Variants in DOCK8 observed in about 807,000 individuals in gnomAD.
DOCK8 encodes dedicator of cytokinesis 8, also known as dedicator of cytokinesis protein 8.
Under a neutral mutation model 245.6 loss-of-function variants are expected in DOCK8, and 141 were observed. The ratio of observed to expected loss-of-function variants is 0.57; its 90% CI spans 0.50 to 0.66. The LOEUF is 0.66. DOCK8 is among the 30% of genes least tolerant of loss of function. DOCK8 has a pLI of 0.00. For missense variants in DOCK8, 2,965 were observed against 2,603.4 expected, an observed-to-expected ratio of 1.14 and a Z score of -3.02; for synonymous variants, 1,168 against 970.2, an observed-to-expected ratio of 1.20 and a Z score of -3.79.
rs181574298 is a variant in DOCK8 at position 235,519 on chromosome 9, G to T, written c.53+20490G>T. Reference sequence around the variant, plus strand: ...AAGTGGAGCCTACAGAGGCAGGCAGGCCTCCTTGAGCTGTGGTGGGCTCCA... The same window carrying T: ...AAGTGGAGCCTACAGAGGCAGGCAGTCCTCCTTGAGCTGTGGTGGGCTCCA... On this transcript the variant is annotated intron_variant, in intron 1 of 47. Coordinates refer to ENST00000432829, the MANE Select transcript of DOCK8 (RefSeq NM_203447.4). Among the ~76,000 whole-genome samples, 410 of 152,326 alleles carry T rather than the reference G, an allele frequency of 2.7e-3. 3 individuals carry two copies. The highest frequency in any genetic ancestry group is 9.5e-3 in the African/African-American group (393 of 41,570).
intron 14 of DOCK8, among the ~76,000 whole-genome samples, chr9:351,223 T>C (rs2052151698): frequency 6.6e-6 from 1 of 152,174 alleles, no homozygotes; most frequent in African/African-American, 2.4e-5. Context: ...AACGCCTTTC[T>C]CCAGAGAGAA....
chr9:445,358 C>T lies in DOCK8; in HGVS notation c.5581-1012C>T, dbSNP rs149477868. Among the ~76,000 whole-genome samples, 914 of 152,310 alleles carry T rather than the reference C, an allele frequency of 6.0e-3. 11 individuals are homozygous for T. The highest frequency in any genetic ancestry group is 0.021 in the African/African-American group (856 of 41,562). On this transcript the variant is annotated intron_variant, in intron 43 of 47. Transcript: ENST00000432829. ...GTGATTTACAGTCTGAGGTCAGTGACCCCACTCATCCCTTTCAGTGGGTGA... is the reference window on the plus strand; with the variant it reads ...GTGATTTACAGTCTGAGGTCAGTGATCCCACTCATCCCTTTCAGTGGGTGA...
intron 1 of DOCK8, among the ~76,000 whole-genome samples, chr9:245,547 G>T (rs1212767125): frequency 6.6e-6 from 1 of 152,054 alleles, no homozygotes; most frequent in Non-Finnish European, 1.5e-5. Context: ...AAAGCCCTCA[G>T]AATACATCTC....
intron 2 of DOCK8, among the ~76,000 whole-genome samples, chr9:285,294 G>A (rs2048772363): frequency 6.6e-6 from 1 of 152,204 alleles, no homozygotes; most frequent in African/African-American, 2.4e-5. Flanking sequence ...CTCCTCTCCA[G>A]CTTGAAGCCC....
chr9:325,202 TTATC>T (rs1194289214), intron 7 of DOCK8, among the ~76,000 whole-genome samples: 1 of 152,254 alleles, frequency 6.6e-6, no homozygotes, highest in Non-Finnish European at 1.5e-5. Flanking sequence ...CACATTTTCT[TTATC>T]TACTCATTGG....
intron 43 of DOCK8, 113 bp downstream of exon 43, chr9:443,629 C>G: frequency 1.2e-6 from 1 of 824,134 alleles, no homozygotes; most frequent in Non-Finnish European, 2.0e-6. Context: ...TAAATGCAGT[C>G]AAACCTTTTC....
At chr9:406,876 C>T in intron 27 of DOCK8, 54 bp from the exon 28 acceptor site, 1 of 1,613,108 alleles carries the variant, frequency 6.2e-7, no homozygotes, top group Admixed American at 1.7e-5. Context: ...CTGGCCATCG[C>T]TATTTTCATT....
At chr9:434,507 A>G (rs1258091865) in intron 38 of DOCK8, among the ~76,000 whole-genome samples, 1 of 152,174 alleles carries the variant, frequency 6.6e-6, no homozygotes, top group African/African-American at 2.4e-5. Flanking sequence ...CCTGAGAGCC[A>G]TTAAAATAGA....
intron 6 of DOCK8, chr9:314,562 G>T (rs1320986783): frequency 6.6e-6 from 1 of 152,202 alleles, no homozygotes; most frequent in Non-Finnish European, 1.5e-5. Context: ...GCCTAATGGG[G>T]CCTGCTTTTA....
At chr9:451,055 A>G (rs933959200) in intron 45 of DOCK8, among the ~76,000 whole-genome samples, 9 of 152,094 alleles carry the variant, frequency 5.9e-5, no homozygotes, top group Admixed American at 2.6e-4. Context: ...GCTCATGCCT[A>G]TAATCCCAGC....
chr9:408,448 T>C (rs1586944408), intron 28 of DOCK8, among the ~76,000 whole-genome samples: 1 of 152,226 alleles, frequency 6.6e-6, no homozygotes, highest in African/African-American at 2.4e-5. Flanking sequence ...GCTTCAATTC[T>C]ATCTTCTCTT....
At chr9:439,777 A>G (rs2057028219) in intron 40 of DOCK8, among the ~76,000 whole-genome samples, 1 of 152,088 alleles carries the variant, frequency 6.6e-6, no homozygotes, top group South Asian at 2.1e-4. Flanking sequence ...GAAAAAAATT[A>G]GGGAGGAACC....
chr9:352,719 T>C (rs540857396), intron 14 of DOCK8, among the ~76,000 whole-genome samples: 2,505 of 141,512 alleles, frequency 0.018, 76 homozygotes, highest in African/African-American at 0.061. Flanking sequence ...TCCAGTCCAG[T>C]GACAGTGTGA....
Position 428,505 on chromosome 9 carries a change from G to C in DOCK8, c.4473+9G>C. The C allele has an allele frequency of 6.2e-7, 1 of 1,614,070 alleles. No homozygotes were observed. Among genetic ancestry groups the C allele is most frequent in the Non-Finnish European group, 8.5e-7 (1 of 1,180,014 alleles). ...GTGCTCTCATCGCCAAGGTAAACTTGGGATGCTTGTTTTCTTCCTCTTAAT... is the reference window on the plus strand; with the variant it reads ...GTGCTCTCATCGCCAAGGTAAACTTCGGATGCTTGTTTTCTTCCTCTTAAT... On this transcript the variant is annotated intron_variant, in intron 35 of 47. Transcript: ENST00000432829.
intron 1 of DOCK8, among the ~76,000 whole-genome samples, chr9:233,230 G>A (rs1184799578): frequency 6.6e-6 from 1 of 152,034 alleles, no homozygotes; most frequent in Non-Finnish European, 1.5e-5. Flanking sequence ...TTAATCCTGA[G>A]TTCTAGTTTG....
intron 45 of DOCK8, 36 bp from the exon 46 acceptor site, chr9:451,974 TA>T (rs754998848): frequency 0.038 from 10,653 of 282,890 alleles, 695 homozygotes; most frequent in African/African-American, 0.2. Context: ...TATATATATA[TA>T]TATTTTTTTT....
At chr9:418,315 A>G (rs2056123089) in intron 30 of DOCK8, 108 bp downstream of exon 30, 5 of 1,465,092 alleles carry the variant, frequency 3.4e-6, no homozygotes, top group Middle Eastern at 2.4e-4. Flanking sequence ...TCTGTTGCAC[A>G]GGCTGGAGTG....
intron 25 of DOCK8, among the ~76,000 whole-genome samples, chr9:398,050 C>T (rs2054545097): frequency 6.6e-6 from 1 of 152,192 alleles, no homozygotes; most frequent in Non-Finnish European, 1.5e-5. Flanking sequence ...TGAGAATGTG[C>T]ATAGTACCAA....
At chr9:235,420 A>G (rs2047221891) in intron 1 of DOCK8, among the ~76,000 whole-genome samples, 1 of 152,124 alleles carries the variant, frequency 6.6e-6, no homozygotes, top group Non-Finnish European at 1.5e-5. Context: ...CCTCTCTTCA[A>G]AGCTGTCAGA....
Sources: allele counts gnomAD v4.1 joint callset (sites outside exome capture counted in the v4.1 genomes callset), GRCh38; gene constraint gnomAD v4.1.1; transcripts MANE v1.5; gene names NCBI Gene and HGNC (gene_info 2026-07-23, HGNC 2026-07-21).